XRCC4: variants seen among roughly 807,000 people sequenced by gnomAD.
XRCC4 encodes the protein X-ray repair cross complementing 4, also known as DNA repair protein XRCC4.
In XRCC4, 28 loss-of-function variants were observed where a neutral mutation model predicts 39.1. The observed-to-expected ratio is 0.72, with a 90% CI of 0.53 to 0.98. The LOEUF is 0.98. Ranked by LOEUF, XRCC4 falls within the 50% of genes least tolerant of loss-of-function variation. The pLI, the probability that XRCC4 is intolerant of heterozygous loss-of-function variation, is 0.00. For synonymous variants in XRCC4, 123 were observed against 126.4 expected (o/e 0.97, Z 0.18); for missense variants, 350 against 376.4 (o/e 0.93, Z 0.58).
chr5:83,348,075 C>T (rs1407682361), intron 7 of XRCC4, among the ~76,000 whole-genome samples: 1 of 152,164 alleles, frequency 6.6e-6, no homozygotes, highest in Non-Finnish European at 1.5e-5. Flanking sequence ...GGAAACTCTG[C>T]CCCTGTGGCT....
chr5:83,289,255 A>C (rs1754833936), intron 7 of XRCC4, among the ~76,000 whole-genome samples: 1 of 151,822 alleles, frequency 6.6e-6, no homozygotes, highest in Non-Finnish European at 1.5e-5. Context: ...CATCTGTGTC[A>C]TATTTGAGTA....
At chr5:83,289,286 A>G (rs1370739485) in intron 7 of XRCC4, among the ~76,000 whole-genome samples, 2 of 151,810 alleles carry the variant, frequency 1.3e-5, no homozygotes, top group Non-Finnish European at 2.9e-5. Context: ...GCTTGTTTCT[A>G]CTATTAAACT....
chr5:83,099,357 G>A (rs997791218), intron 1 of XRCC4, among the ~76,000 whole-genome samples: 2 of 152,144 alleles, frequency 1.3e-5, no homozygotes, highest in African/African-American at 4.8e-5. Context: ...TCAAAATGGT[G>A]TTATCAATGA....
chr5:83,286,339 T>C (rs1754731723), intron 7 of XRCC4, among the ~76,000 whole-genome samples: 1 of 152,142 alleles, frequency 6.6e-6, no homozygotes, highest in Admixed American at 6.6e-5. Context: ...GCTTAGTGGC[T>C]CTCTGATACA....
intron 3 of XRCC4, among the ~76,000 whole-genome samples, chr5:83,154,195 A>G (rs1371451433): frequency 2.0e-5 from 3 of 152,048 alleles, no homozygotes. Flanking sequence ...TTTATTTTTT[A>G]TCCTAGAAAA....
At chr5:83,356,426 T>G (rs775311052), downstream of XRCC4, among the ~76,000 whole-genome samples, 2 of 152,168 alleles carry the variant, frequency 1.3e-5, no homozygotes, top group African/African-American at 2.4e-5. Context: ...GGGAAGGTAT[T>G]TCCCAAGTAA....
chr5:83,122,020 C>T (rs751647535), intron 3 of XRCC4, among the ~76,000 whole-genome samples: 54 of 152,096 alleles, frequency 3.6e-4, no homozygotes, highest in Non-Finnish European at 5.4e-4. Context: ...CTATACTGCC[C>T]CATCAATCTA....
At chr5:83,363,843 GCTC>G in the XRCC4 span, among the ~76,000 whole-genome samples, 1 of 152,180 alleles carries the variant, frequency 6.6e-6, no homozygotes, top group African/African-American at 2.4e-5. Flanking sequence ...GCAGAATGCT[GCTC>G]CTGTATACCT....
At chr5:83,329,982 G>A (rs1316109997) in intron 7 of XRCC4, among the ~76,000 whole-genome samples, 1 of 152,036 alleles carries the variant, frequency 6.6e-6, no homozygotes, top group Non-Finnish European at 1.5e-5. Flanking sequence ...TGCTTAAGTA[G>A]GAGAATGTTT....
chr5:83,106,000 C>CA (rs1026910776), intron 2 of XRCC4, among the ~76,000 whole-genome samples: 1 of 151,932 alleles, frequency 6.6e-6, no homozygotes, highest in Non-Finnish European at 1.5e-5. Flanking sequence ...TACAGAGTTT[C>CA]AAAAAAATTG....
intron 7 of XRCC4, among the ~76,000 whole-genome samples, chr5:83,259,633 A>G (rs1032228190): frequency 6.6e-6 from 1 of 152,126 alleles, no homozygotes; most frequent in African/African-American, 2.4e-5. Flanking sequence ...GTATAAAACA[A>G]TGCCCTCATA....
At chr5:83,177,385 T>C (rs894959707) in intron 3 of XRCC4, among the ~76,000 whole-genome samples, 2 of 151,954 alleles carry the variant, frequency 1.3e-5, no homozygotes, top group Admixed American at 1.3e-4. Flanking sequence ...CAAGCTCTGT[T>C]AGGTAGTAAA....
rs76033691 is a variant in XRCC4, at chr5:83,262,346, G to A, written c.893+3669G>A. 2.4e-4 allele frequency among the ~76,000 whole-genome samples: 37 copies of A among 152,188 alleles called. No homozygotes were observed. The East Asian group carries it at 6.0e-3, about 25-fold the overall frequency. Reference sequence around the variant, plus strand: ...TTGTGCAGAGCGAAGGGAGTACATCGGTCATAAAGTTCTAAATTGAAATAT... The same window carrying A: ...TTGTGCAGAGCGAAGGGAGTACATCAGTCATAAAGTTCTAAATTGAAATAT... On this transcript the variant is annotated intron_variant, in intron 7 of 7. Transcript: ENST00000396027.
At chr5:83,316,416 TAA>T (rs1382619724) in intron 7 of XRCC4, among the ~76,000 whole-genome samples, 1 of 151,342 alleles carries the variant, frequency 6.6e-6, no homozygotes, top group Non-Finnish European at 1.5e-5. Flanking sequence ...GCAAGTTGGA[TAA>T]AGAGTCAAGA....
chr5:83,273,926 C>T (rs919282904), intron 7 of XRCC4, among the ~76,000 whole-genome samples: 1 of 151,482 alleles, frequency 6.6e-6, no homozygotes, highest in Non-Finnish European at 1.5e-5. Flanking sequence ...TCCGTGTGGC[C>T]GTTACACCTT....
At chr5:83,234,482 G>T (rs1752613729) in intron 6 of XRCC4, among the ~76,000 whole-genome samples, 1 of 152,018 alleles carries the variant, frequency 6.6e-6, no homozygotes, top group Non-Finnish European at 1.5e-5. Context: ...TCATACCACA[G>T]TACAGCCTCG....
At chr5:83,090,264 G>A (rs1745360999) in intron 1 of XRCC4, among the ~76,000 whole-genome samples, 1 of 152,098 alleles carries the variant, frequency 6.6e-6, no homozygotes, top group Non-Finnish European at 1.5e-5. Context: ...ATTGAATCAT[G>A]GGGGCAGTTC....
chr5:83,289,602 T>C (rs1367736012), intron 7 of XRCC4, among the ~76,000 whole-genome samples: 1 of 151,832 alleles, frequency 6.6e-6, no homozygotes, highest in Non-Finnish European at 1.5e-5. Flanking sequence ...GTTGGTGTGG[T>C]GGTATGATGT....
chr5:83,219,029 A>G (rs12518930), intron 6 of XRCC4, among the ~76,000 whole-genome samples: 9,073 of 151,998 alleles, frequency 0.06, 996 homozygotes, highest in East Asian at 0.48. Context: ...GGCAGGGTTA[A>G]TTTCTTCTGA....
Sources: gnomAD v4.1 joint callset for allele counts (sites outside exome capture counted in the v4.1 genomes callset) on GRCh38, gnomAD v4.1.1 for gene constraint, MANE v1.5 for transcripts, NCBI Gene and HGNC (gene_info 2026-07-23, HGNC 2026-07-21) for gene names.